SMC6: variants seen among roughly 807,000 people sequenced by gnomAD.
The protein encoded by SMC6 is structural maintenance of chromosomes protein 6.
Under a neutral mutation model 142.2 loss-of-function variants are expected in SMC6, and 79 were observed. That is an observed-to-expected ratio of 0.56 (90% CI 0.46 to 0.67). The LOEUF (loss-of-function observed/expected upper bound fraction) is 0.67, where lower values mean the gene tolerates loss of function less well. SMC6 is among the 30% of genes least tolerant of loss of function. SMC6 has a pLI of 0.00. For missense variants in SMC6, 1,072 were observed against 1,284.0 expected (o/e 0.83, Z 2.52); for synonymous variants, 411 against 412.4 (o/e 1.00, Z 0.04).
chr2:17,726,446 T>A lies in SMC6; in HGVS notation c.567A>T (p.Leu189Phe). Reference protein sequence around the residue: ...NIQVDNPVSVLTQEMSKQFLQ... With the variant: ...NIQVDNPVSVFTQEMSKQFLQ... ...AGAACTGCTTGCTCATTTCTTGTGT[T>A]AAAACAGAAACTGGATTATCCACCT... The change falls in exon 8 of 28, where the codon TTA becomes TTT. Residue 189 changes from leucine to phenylalanine, a missense_variant. Physicochemically the swap from Leu to Phe is conservative, Grantham distance 22 (BLOSUM62 0). Around this residue, in one of 3 missense-constraint regions of SMC6, gnomAD observed 994 missense variants for 1,153.2 expected, o/e 0.86. Coordinates refer to ENST00000448223, the MANE Select transcript of SMC6 (RefSeq NM_001142286.2). 6.2e-7 allele frequency: 1 copy of A among 1,611,802 alleles called. No homozygotes were observed. Among genetic ancestry groups the A allele is most frequent in the African/African-American group, 1.3e-5 (1 of 74,972 alleles).
intron 25 of SMC6, among the ~76,000 whole-genome samples, chr2:17,673,019 T>C (rs1262023477): frequency 1.3e-5 from 2 of 152,154 alleles, no homozygotes; most frequent in Admixed American, 6.6e-5. Context: ...CAAGTTACAC[T>C]CCCACAAGCA....
intron 3 of SMC6, among the ~76,000 whole-genome samples, chr2:17,742,076 C>T (rs2278175): frequency 0.18 from 27,216 of 152,084 alleles, 3,480 homozygotes; most frequent in African/African-American, 0.37. Flanking sequence ...CGGCAACACA[C>T]ACCTGCCCCT....
At chr2:17,677,485 G>A (rs1296776967) in intron 25 of SMC6, among the ~76,000 whole-genome samples, 1 of 152,092 alleles carries the variant, frequency 6.6e-6, no homozygotes, top group African/African-American at 2.4e-5. Context: ...TCAAAGTCCA[G>A]AATCAGCAAA....
intron 4 of SMC6, among the ~76,000 whole-genome samples, chr2:17,740,318 G>A (rs1558378489): frequency 6.6e-6 from 1 of 152,068 alleles, no homozygotes; most frequent in African/African-American, 2.4e-5. Context: ...CAACAAAAGG[G>A]ACTGCAGAGC....
In SMC6 at chr2:17,746,030, C is replaced by T. The variant is rs548027387; in HGVS notation, c.-5-79G>A. 7 of 1,318,458 alleles carry T rather than the reference C, an allele frequency of 5.3e-6. No individual in the cohort carries two copies. The East Asian group carries it at 1.4e-4, about 26-fold the overall frequency. 81.7% of individuals were successfully genotyped at this position (1,318,458 alleles called of 1,614,324 possible). On this transcript the variant is annotated intron_variant, in intron 2 of 27. Coordinates refer to ENST00000448223, the MANE Select transcript of SMC6 (RefSeq NM_001142286.2). Reference sequence around the variant, plus strand: ...ACTCAACAAAATAAATCTAACAAGGCTAATTAAACTTTAGGTACTATGTCC... The same window carrying T: ...ACTCAACAAAATAAATCTAACAAGGTTAATTAAACTTTAGGTACTATGTCC...
chr2:17,684,274 A>G (rs1474220551), intron 23 of SMC6, among the ~76,000 whole-genome samples: 1 of 152,244 alleles, frequency 6.6e-6, no homozygotes, highest in African/African-American at 2.4e-5. Context: ...TGGCAAGCCT[A>G]TAACTGAATT....
At chr2:17,669,646 A>G (rs1397705666) in intron 26 of SMC6, among the ~76,000 whole-genome samples, 2 of 152,196 alleles carry the variant, frequency 1.3e-5, no homozygotes, top group African/African-American at 4.8e-5. Flanking sequence ...AAATACTTCA[A>G]AAAATAAGGT....
intron 23 of SMC6, among the ~76,000 whole-genome samples, chr2:17,684,920 T>C (rs1187016665): frequency 6.6e-6 from 1 of 151,784 alleles, no homozygotes; most frequent in South Asian, 2.1e-4. Context: ...ACTGAAAGAA[T>C]AGATACACAA....
intron 23 of SMC6, among the ~76,000 whole-genome samples, chr2:17,691,358 GTGTGTGTGTA>G (rs1441832727): frequency 5.4e-4 from 23 of 42,442 alleles, no homozygotes; most frequent in African/African-American, 5.3e-3. Context: ...GTCTGTGTGT[GTGTGTGTGTA>G]TACACATTTT....
intron 23 of SMC6, among the ~76,000 whole-genome samples, chr2:17,693,482 G>A (rs990955293): frequency 1.3e-5 from 2 of 152,010 alleles, no homozygotes; most frequent in African/African-American, 4.8e-5. Context: ...ACTCATAGGT[G>A]GGAATTGAAC....
intron 23 of SMC6, among the ~76,000 whole-genome samples, chr2:17,693,984 G>A (rs1400054216): frequency 1.8e-5 from 2 of 112,654 alleles, no homozygotes; most frequent in African/African-American, 7.4e-5. Flanking sequence ...TGGGCAAGAG[G>A]AGCAAAACTC....
chr2:17,731,242 G>A lies in SMC6; in HGVS notation c.482-103C>T, dbSNP rs991407822. 5.4e-6 allele frequency: 4 copies of A among 742,284 alleles called. No homozygotes were observed. The East Asian group carries it at 7.9e-5, about 15-fold the overall frequency. 46.0% of individuals were successfully genotyped at this position (742,284 alleles called of 1,614,324 possible). Reference sequence around the variant, plus strand: ...ATATAAATATTAGTTAGCTTTCATTGCATCATCAAGAAAGGTACCATTGAA... The same window carrying A: ...ATATAAATATTAGTTAGCTTTCATTACATCATCAAGAAAGGTACCATTGAA... On this transcript the variant is annotated intron_variant, in intron 6 of 27. Transcript: ENST00000448223.
intron 5 of SMC6, among the ~76,000 whole-genome samples, chr2:17,732,168 T>C (rs964534581): frequency 2.0e-5 from 3 of 152,198 alleles, no homozygotes; most frequent in Admixed American, 1.3e-4. Flanking sequence ...AAGTTTCGGT[T>C]GTTTCAAGAC....
chr2:17,713,248 C>T (rs1003454031), intron 16 of SMC6: 1 of 307,532 alleles, frequency 3.3e-6, no homozygotes, highest in Non-Finnish European at 6.4e-6. Flanking sequence ...AAAAATCCTG[C>T]AGCCACTAGG....
At chr2:17,695,920 G>A (rs1226934626) in intron 22 of SMC6, among the ~76,000 whole-genome samples, 2 of 152,104 alleles carry the variant, frequency 1.3e-5, no homozygotes, top group Non-Finnish European at 2.9e-5. Flanking sequence ...GACATGTCTC[G>A]TAGGAGCTAA....
intron 21 of SMC6, 30 bp from the exon 22 acceptor site, chr2:17,696,456 G>T: frequency 3.8e-6 from 6 of 1,573,568 alleles, no homozygotes; most frequent in Non-Finnish European, 1.7e-6. Flanking sequence ...ATAAAAGATT[G>T]TTTTAAAAAA....
intron 16 of SMC6, among the ~76,000 whole-genome samples, chr2:17,711,839 A>C (rs1020865383): frequency 6.6e-6 from 1 of 152,180 alleles, no homozygotes; most frequent in Non-Finnish European, 1.5e-5. Context: ...GGCTGGTCTT[A>C]AATGCCTGGG....
Position 17,684,506 on chromosome 2 carries a change from T to C in SMC6, c.2679-743A>G, listed in dbSNP as rs1032840441. ...AGTGTTGCCACAAAGCAGATGAAAA[T>C]TATAATTGAACACCATAAATTAAAA... is the stretch of plus-strand genomic sequence containing the variant. On this transcript the variant is annotated intron_variant, in intron 23 of 27. Transcript: ENST00000448223. Among the ~76,000 whole-genome samples the C allele has an allele frequency of 2.0e-5, 3 of 152,002 alleles. No individual in the cohort carries two copies. In the East Asian group the frequency reaches 5.8e-4, roughly 29 times the overall value.
chr2:17,701,066 TA>T lies in SMC6; in HGVS notation c.2224-689del, dbSNP rs1668248920. Among the ~76,000 whole-genome samples, 3 of 126,778 alleles carry T rather than the reference TA, an allele frequency of 2.4e-5. No individual in the cohort carries two copies. In the East Asian group the frequency reaches 6.0e-4, roughly 25 times the overall value. The allele number at this position is 126,778 out of a possible 152,430, so 83.2% of individuals were successfully genotyped here. ...ATAATAATAATAATAATAATAATAA[TA>T]ATACAAAAATTTAGTCTATCAAAAA... On this transcript the variant is annotated intron_variant, in intron 20 of 27. Transcript: ENST00000448223.
Sources: allele counts gnomAD v4.1 joint callset (sites outside exome capture counted in the v4.1 genomes callset), GRCh38; gene constraint gnomAD v4.1.1; regional missense constraint gnomAD v4.1.1; transcripts MANE v1.5; gene names NCBI Gene and HGNC (gene_info 2026-07-23, HGNC 2026-07-21).